The following CDK7 variants were observed in gnomAD, a reference collection of about 807,000 sequenced individuals.
The protein encoded by CDK7 is cyclin dependent kinase 7, also known as cyclin-dependent kinase 7.
A neutral mutation model predicts 49.1 loss-of-function variants in CDK7; 25 were observed. That is an observed-to-expected ratio of 0.51 (90% CI 0.37 to 0.71). The LOEUF is 0.71. Among genes scored for constraint, CDK7 ranks in the 30% least tolerant of loss-of-function variants. The probability of loss-of-function intolerance (pLI) is 0.00; values close to 1 mark genes in which losing one functional copy is unlikely to be tolerated. For missense variants in CDK7, 316 were observed against 411.7 expected, an observed-to-expected ratio of 0.77 and a Z score of 2.01; for synonymous variants, 107 against 140.0, an observed-to-expected ratio of 0.76 and a Z score of 1.67.
At chr5:69,256,578 C>T (rs1483373081) in intron 5 of CDK7, among the ~76,000 whole-genome samples, 4 of 151,246 alleles carry the variant, frequency 2.6e-5, no homozygotes, top group Non-Finnish European at 5.9e-5. Context: ...TGACCTCTGG[C>T]GATCTACCTG....
chr5:69,273,297 A>G (rs992519548), intron 10 of CDK7, among the ~76,000 whole-genome samples: 2 of 149,862 alleles, frequency 1.3e-5, no homozygotes, highest in African/African-American at 5.1e-5. Flanking sequence ...ATACATGTCT[A>G]TTTCACATAA....
chr5:69,238,426 A>G (rs1749147910), intron 2 of CDK7, among the ~76,000 whole-genome samples: 1 of 151,774 alleles, frequency 6.6e-6, no homozygotes. Context: ...CTAGGAGTAC[A>G]GGTGCATGCC....
chr5:69,268,258 G>A (rs80351595), intron 8 of CDK7, among the ~76,000 whole-genome samples: 15,110 of 152,144 alleles, frequency 0.099, 993 homozygotes, highest in Admixed American at 0.16. Context: ...TCAACACACC[G>A]AATTGTAAAT....
chr5:69,242,625 AAGG>A (rs1315868914), intron 2 of CDK7, among the ~76,000 whole-genome samples: 1 of 152,184 alleles, frequency 6.6e-6, no homozygotes, highest in African/African-American at 2.4e-5. Flanking sequence ...GTCTCTGAGC[AAGG>A]AGTGGGTTAA....
intron 2 of CDK7, among the ~76,000 whole-genome samples, chr5:69,237,390 T>C (rs912252478): frequency 1.3e-5 from 2 of 152,216 alleles, no homozygotes; most frequent in African/African-American, 2.4e-5. Flanking sequence ...GTCTGGCTTC[T>C]TGGTTGGTAT....
chr5:69,271,513 C>CTTTTTTTTTTTT (rs56035306), intron 9 of CDK7, among the ~76,000 whole-genome samples: 2 of 134,324 alleles, frequency 1.5e-5, no homozygotes, highest in Non-Finnish European at 1.6e-5. Flanking sequence ...ATTTTTTTTT[C>CTTTTTTTTTTTT]TTTTTTTTTT....
At chr5:69,268,588 G>C (rs111396970) in intron 8 of CDK7, among the ~76,000 whole-genome samples, 38 of 151,026 alleles carry the variant, frequency 2.5e-4, no homozygotes, top group African/African-American at 7.3e-4. Context: ...CATGGTGGCT[G>C]ACGCCTGTAA....
chr5:69,239,757 C>T, intron 2 of CDK7, among the ~76,000 whole-genome samples: 1 of 151,762 alleles, frequency 6.6e-6, no homozygotes, highest in Non-Finnish European at 1.5e-5. Flanking sequence ...TATGTGCTTT[C>T]CTGTTTCTGG....
chr5:69,275,735 A>G (rs538982227), intron 10 of CDK7, among the ~76,000 whole-genome samples: 39 of 152,192 alleles, frequency 2.6e-4, no homozygotes, highest in Non-Finnish European at 1.2e-4. Context: ...GCTCTTAGGG[A>G]GGCGGAGGCG....
At position 69,252,287 on chromosome 5, in the gene CDK7, G is replaced by GT. The variant is rs915417078; in HGVS notation, c.127-130dup. The GT allele has an allele frequency of 3.1e-5, 20 of 650,798 alleles. No individual in the cohort carries two copies. In the Admixed American group the frequency reaches 5.4e-4, roughly 18 times the overall value. The allele number at this position is 650,798 out of a possible 1,614,324, so 40.3% of individuals were successfully genotyped here. A position where few individuals can be genotyped will look rare whatever the true frequency, so the allele number is the denominator to read the frequency against. Reference sequence around the variant, plus strand: ...ATGATTCCTACTCTCTTTTTGCCTAGTAGGTACATATTGGTTGCTAATTGT... The same window carrying GT: ...ATGATTCCTACTCTCTTTTTGCCTAGTTAGGTACATATTGGTTGCTAATTGT... On this transcript the variant is annotated intron_variant, in intron 2 of 11. Transcript: ENST00000256443.
At chr5:69,242,167 CAAAG>C (rs1368059893) in intron 2 of CDK7, among the ~76,000 whole-genome samples, 9 of 151,980 alleles carry the variant, frequency 5.9e-5, no homozygotes, top group East Asian at 1.9e-4. Flanking sequence ...TTGTTTGCAA[CAAAG>C]AAAGAGTTTA....
rs1278744574 is a variant in CDK7, at chr5:69,234,984, G to C, written c.9G>C (p.Leu3=). 5.6e-6 allele frequency: 9 copies of C among 1,597,892 alleles called. No individual in the cohort carries two copies. The highest frequency in any genetic ancestry group is 3.3e-4 in the Middle Eastern group (2 of 6,042). Residue 3 remains leucine (L), a synonymous_variant, in exon 1 of 12, where the codon CTG becomes CTC. Coordinates refer to ENST00000256443, the MANE Select transcript of CDK7 (RefSeq NM_001799.4). ...GGGCTTTACGGCGCCGGATGGCTCTGGACGTGAAGTCTCGGGCAAAGCGTT... is the reference window on the plus strand; with the variant it reads ...GGGCTTTACGGCGCCGGATGGCTCTCGACGTGAAGTCTCGGGCAAAGCGTT... MA[L]DVKSRAKRYE...
intron 7 of CDK7, among the ~76,000 whole-genome samples, 161 bp downstream of exon 7, chr5:69,260,097 C>T (rs1357537895): frequency 6.6e-6 from 1 of 152,174 alleles, no homozygotes; most frequent in Non-Finnish European, 1.5e-5. Flanking sequence ...GCCTGTAATC[C>T]CAGCACTTTG....
intron 2 of CDK7, among the ~76,000 whole-genome samples, chr5:69,236,675 C>T (rs941153722): frequency 2.7e-5 from 4 of 150,892 alleles, no homozygotes; most frequent in African/African-American, 4.9e-5. Flanking sequence ...TTTTTTGAGA[C>T]AGAATTTTGC....
intron 10 of CDK7, among the ~76,000 whole-genome samples, chr5:69,274,988 C>T (rs967403706): frequency 3.3e-4 from 49 of 148,358 alleles, no homozygotes; most frequent in African/African-American, 1.1e-3. Context: ...CATGTGAACC[C>T]GGGAGGTGGA....
Position 69,235,002 on chromosome 5 carries a change from A to T in CDK7, c.27A>T (p.Ala9=), listed in dbSNP as rs943322252. The T allele has an allele frequency of 6.2e-7, 1 of 1,603,120 alleles. No individual in the cohort carries two copies. The highest frequency in any genetic ancestry group is 2.2e-5 in the East Asian group (1 of 44,526). Residue 9 remains alanine, a synonymous_variant, in exon 1 of 12, where the codon GCA becomes GCT. Transcript: ENST00000256443. ...TGGCTCTGGACGTGAAGTCTCGGGC[A>T]AAGCGTTATGAGAAGCTGGACTTCC... The part of the protein sequence containing the change: MALDVKSR[A]KRYEKLDFLG...
chr5:69,245,894 T>C (rs1038352350), intron 2 of CDK7, among the ~76,000 whole-genome samples: 1 of 152,218 alleles, frequency 6.6e-6, no homozygotes, highest in Admixed American at 6.5e-5. Context: ...TTGGTTGTAG[T>C]GTCCCCTTTT....
intron 7 of CDK7, among the ~76,000 whole-genome samples, chr5:69,261,008 G>A (rs1933591785): frequency 6.6e-6 from 1 of 152,086 alleles, no homozygotes; most frequent in African/African-American, 2.4e-5. Flanking sequence ...TTATAGAGAT[G>A]GGTTTCGCCA....
chr5:69,258,110 T>G lies in CDK7; in HGVS notation c.365T>G (p.Leu122Arg), dbSNP rs373911478. The change falls in exon 6 of 12, where the codon CTT becomes CGT. Residue 122 changes from leucine (L) to arginine (R), a missense_variant. Physicochemically the swap from Leu to Arg is moderately radical, Grantham distance 102. Transcript: ENST00000256443. Reference protein sequence around the residue: ...SHIKAYMLMTLQGLEYLHQHW... With the variant: ...SHIKAYMLMTRQGLEYLHQHW... ...ATCAAAGCCTACATGTTGATGACTC[T>G]TCAAGGATTAGAATATTTACATCAA... The G allele has an allele frequency of 6.3e-7, 1 of 1,594,948 alleles. No homozygotes were observed. Among genetic ancestry groups the G allele is most frequent in the Non-Finnish European group, 8.6e-7 (1 of 1,167,426 alleles).
Sources: allele counts gnomAD v4.1 joint callset (sites outside exome capture counted in the v4.1 genomes callset), GRCh38; gene constraint gnomAD v4.1.1; transcripts MANE v1.5; gene names NCBI Gene and HGNC (gene_info 2026-07-23, HGNC 2026-07-21).